The following EPC1 variants were observed in gnomAD, a reference collection of about 807,000 sequenced individuals.
EPC1 encodes the protein enhancer of polycomb homolog 1.
In EPC1, 12 loss-of-function variants were observed where a neutral mutation model predicts 98.4. That is an observed-to-expected ratio of 0.12 (90% confidence interval 0.08 to 0.20). The LOEUF (loss-of-function observed/expected upper bound fraction) is 0.20. Among genes scored for constraint, EPC1 ranks in the 10% least tolerant of loss-of-function variants. The pLI is 1.00. For missense variants in EPC1, 729 were observed against 990.5 expected, an observed-to-expected ratio of 0.74 and a Z score of 3.54; for synonymous variants, 357 against 363.9, an observed-to-expected ratio of 0.98 and a Z score of 0.21.
intron 1 of EPC1, among the ~76,000 whole-genome samples, chr10:32,376,458 G>C (rs1213612753): frequency 2.6e-5 from 4 of 152,040 alleles, no homozygotes; most frequent in Non-Finnish European, 5.9e-5. Flanking sequence ...ATTTACACCT[G>C]CAGTATTTCA....
At chr10:32,284,659 C>A (rs758989692) in intron 10 of EPC1, 39 bp downstream of exon 10, 2 of 1,507,310 alleles carry the variant, frequency 1.3e-6, no homozygotes, top group Non-Finnish European at 1.8e-6. Flanking sequence ...TTGGACCTGA[C>A]ATTTCTATAG....
rs767121498 is a variant in EPC1 at position 32,291,149 on chromosome 10, A to G, written c.975+14T>C. On this transcript the variant is annotated intron_variant, in intron 6 of 13. Coordinates refer to ENST00000319778, the MANE Select transcript of EPC1 (RefSeq NM_001272004.3). The stretch of plus-strand genomic sequence containing the variant: ...CCCATTATTAGATACTATTATCACA[A>G]AAACATTAATCACCTTATTAACTTT... The G allele has an allele frequency of 1.2e-6, 2 of 1,607,470 alleles. No homozygotes were observed. Among genetic ancestry groups the G allele is most frequent in the Admixed American group, 1.7e-5 (1 of 59,766 alleles).
Position 32,364,001 on chromosome 10 carries a change from C to CCTTTTTTT in EPC1, c.3+14489_3+14490insAAAAAAAG, listed in dbSNP as rs770520611. Among the ~76,000 whole-genome samples the CCTTTTTTT allele has an allele frequency of 2.2e-3, 134 of 61,860 alleles. 62 individuals carry two copies. The highest frequency in any genetic ancestry group is 0.026 in the Middle Eastern group (2 of 78). The allele number at this position is 61,860 out of a possible 152,430, so 40.6% of individuals were successfully genotyped here. Reference sequence around the variant, plus strand: ...AATAGTATCGTGTCCATCATGTTGGCATTTTTTTTTTTTTTTTTTTTTTTT... The same window carrying CCTTTTTTT: ...AATAGTATCGTGTCCATCATGTTGGCCTTTTTTTATTTTTTTTTTTTTTTTTTTTTTTT... On this transcript the variant is annotated intron_variant, in intron 1 of 13. Coordinates refer to the EPC1 transcript ENST00000375110.
At chr10:32,300,072 C>T (rs910261179) in intron 2 of EPC1, among the ~76,000 whole-genome samples, 2 of 151,862 alleles carry the variant, frequency 1.3e-5, no homozygotes, top group East Asian at 1.9e-4. Flanking sequence ...CCACCACGCC[C>T]GGCTAATTTT....
intron 1 of EPC1, among the ~76,000 whole-genome samples, chr10:32,306,386 A>T (rs893564458): frequency 4.6e-5 from 7 of 152,254 alleles, no homozygotes; most frequent in Non-Finnish European, 1.0e-4. Context: ...GTTTCTTCAA[A>T]GAAGGGCAGA....
chr10:32,351,016 T>C (rs1163041864), upstream of EPC1, among the ~76,000 whole-genome samples: 6 of 152,156 alleles, frequency 3.9e-5, no homozygotes, highest in African/African-American at 1.2e-4. Context: ...ACTCATTCCC[T>C]CAATAAACCT....
At chr10:32,270,753 CAG>C (rs1258408463) in intron 13 of EPC1, among the ~76,000 whole-genome samples, 1 of 129,018 alleles carries the variant, frequency 7.8e-6, no homozygotes, top group Non-Finnish European at 1.6e-5. Flanking sequence ...ACCTGGGAGG[CAG>C]AGATTGCAGT....
At chr10:32,293,792 T>A in intron 2 of EPC1, 55 bp from the exon 3 acceptor site, 1 of 1,476,888 alleles carries the variant, frequency 6.8e-7, no homozygotes, top group South Asian at 1.4e-5. Flanking sequence ...CGACAAAAAC[T>A]CCACAGATGT....
intron 1 of EPC1, among the ~76,000 whole-genome samples, chr10:32,322,328 A>T (rs1836977115): frequency 1.3e-5 from 2 of 152,124 alleles, no homozygotes; most frequent in Non-Finnish European, 1.5e-5. Context: ...GAAACAAAAT[A>T]ATATAATCTT....
intron 10 of EPC1, among the ~76,000 whole-genome samples, chr10:32,278,940 T>A (rs1273456421): frequency 6.6e-6 from 1 of 152,200 alleles, no homozygotes; most frequent in Non-Finnish European, 1.5e-5. Context: ...ATATTCCTCT[T>A]AGTGTGAATA....
At chr10:32,279,757 T>C (rs942549262) in intron 10 of EPC1, among the ~76,000 whole-genome samples, 2 of 152,130 alleles carry the variant, frequency 1.3e-5, no homozygotes, top group African/African-American at 4.8e-5. Context: ...TGCAAATGCA[T>C]AGTCAGTCAC....
At position 32,359,719 on chromosome 10, in the gene EPC1, A is replaced by G. The variant is rs562906766; in HGVS notation, c.3+18772T>C. Among the ~76,000 whole-genome samples the G allele has an allele frequency of 1.3e-4, 20 of 152,346 alleles. No individual in the cohort carries two copies. In the South Asian group the frequency reaches 4.1e-3, roughly 32 times the overall value. Reference sequence around the variant, plus strand: ...TATACAACATAATATTGTGTTGTAAAGGCTTCAAAACTCTTAGCTAAGGAA... The same window carrying G: ...TATACAACATAATATTGTGTTGTAAGGGCTTCAAAACTCTTAGCTAAGGAA... On this transcript the variant is annotated intron_variant, in intron 1 of 13. Transcript: ENST00000375110.
At chr10:32,378,733 AGAG>A (rs1839920565) in exon 1 of EPC1, 1 of 430,358 alleles carries the variant, frequency 2.3e-6, no homozygotes, top group Non-Finnish European at 4.3e-6. Flanking sequence ...GATTAAAAGC[AGAG>A]GAGGCAGCAC....
At chr10:32,362,445 A>G (rs1426980388) in intron 1 of EPC1, among the ~76,000 whole-genome samples, 1 of 152,010 alleles carries the variant, frequency 6.6e-6, no homozygotes, top group East Asian at 1.9e-4. Flanking sequence ...TTGAAAGCAT[A>G]GTAGCACCTC....
chr10:32,356,285 C>T (rs1046051439), intron 1 of EPC1, among the ~76,000 whole-genome samples: 1 of 152,192 alleles, frequency 6.6e-6, no homozygotes, highest in African/African-American at 2.4e-5. Flanking sequence ...TTCTCCATGA[C>T]ACCTTGAGTA....
chr10:32,332,377 C>T (rs1361776352), intron 1 of EPC1, among the ~76,000 whole-genome samples: 1 of 152,156 alleles, frequency 6.6e-6, no homozygotes, highest in African/African-American at 2.4e-5. Context: ...GGTAGCCAGC[C>T]TGCAGGATGA....
At chr10:32,361,832 T>C (rs1029817664) in intron 1 of EPC1, among the ~76,000 whole-genome samples, 3 of 152,166 alleles carry the variant, frequency 2.0e-5, no homozygotes, top group African/African-American at 7.2e-5. Context: ...GTTAAGGCAT[T>C]CTAAGTCACA....
chr10:32,356,175 A>G (rs80058458), intron 1 of EPC1, among the ~76,000 whole-genome samples: 3,905 of 152,324 alleles, frequency 0.026, 171 homozygotes, highest in African/African-American at 0.09. Context: ...AACACGAGGA[A>G]GGAAATTCTG....
intron 1 of EPC1, among the ~76,000 whole-genome samples, chr10:32,331,356 A>AG (rs966838431): frequency 4.6e-5 from 7 of 151,752 alleles, no homozygotes; most frequent in African/African-American, 1.7e-4. Flanking sequence ...CCATCTCAAA[A>AG]GAAAAAAAAA....
Sources: gnomAD v4.1 joint callset for allele counts (sites outside exome capture counted in the v4.1 genomes callset) on GRCh38, gnomAD v4.1.1 for gene constraint, MANE v1.5 for transcripts, NCBI Gene and HGNC (gene_info 2026-07-23, HGNC 2026-07-21) for gene names.